SENP7: variants seen among roughly 807,000 people sequenced by gnomAD.
The protein encoded by SENP7 is sentrin-specific protease 7.
Under a neutral mutation model 141.2 loss-of-function variants are expected in SENP7, and 64 were observed. The observed-to-expected ratio is 0.45, with a 90% confidence interval of 0.37 to 0.56. SENP7 has a LOEUF of 0.56. Ranked by LOEUF, SENP7 falls within the 20% of genes least tolerant of loss-of-function variation. The pLI is 0.00. For missense variants in SENP7, 1,025 were observed against 1,212.2 expected, an observed-to-expected ratio of 0.85 and a Z score of 2.29; for synonymous variants, 382 against 426.4, an observed-to-expected ratio of 0.90 and a Z score of 1.28.
intron 6 of SENP7, among the ~76,000 whole-genome samples, chr3:101,385,943 G>A (rs929865778): frequency 3.3e-5 from 5 of 152,146 alleles, no homozygotes; most frequent in African/African-American, 7.2e-5. Flanking sequence ...GAGCAAAGCC[G>A]CTAACAACAG....
intron 6 of SENP7, among the ~76,000 whole-genome samples, chr3:101,375,137 T>C (rs937518030): frequency 6.6e-6 from 1 of 150,970 alleles, no homozygotes; most frequent in Non-Finnish European, 1.5e-5. Context: ...TTGGCAAAAA[T>C]GTAGAAAAAT....
At chr3:101,467,118 G>T (rs2063787550) in intron 3 of SENP7, among the ~76,000 whole-genome samples, 1 of 152,256 alleles carries the variant, frequency 6.6e-6, no homozygotes, top group African/African-American at 2.4e-5. Context: ...CAAGACGGCA[G>T]CCTGGCTGGG....
chr3:101,430,809 T>TTG (rs2062137489), intron 4 of SENP7, among the ~76,000 whole-genome samples: 1 of 152,232 alleles, frequency 6.6e-6, no homozygotes, highest in Non-Finnish European at 1.5e-5. Context: ...CTGCTTTCTC[T>TTG]TGACATTTAG....
chr3:101,344,477 C>G (rs1559694870), intron 13 of SENP7, among the ~76,000 whole-genome samples: 1 of 152,026 alleles, frequency 6.6e-6, no homozygotes, highest in South Asian at 2.1e-4. Flanking sequence ...AGGAAAATAA[C>G]AAATTTGAAA....
chr3:101,377,026 A>C (rs906069180), intron 6 of SENP7, among the ~76,000 whole-genome samples: 1 of 152,210 alleles, frequency 6.6e-6, no homozygotes, highest in African/African-American at 2.4e-5. Flanking sequence ...TGGAAGAAGA[A>C]TTTCTTGAGA....
chr3:101,480,464 C>T (rs2064421904), intron 3 of SENP7, among the ~76,000 whole-genome samples: 1 of 152,082 alleles, frequency 6.6e-6, no homozygotes, highest in East Asian at 1.9e-4. Context: ...AACAGGATAT[C>T]CATACGCAGA....
At chr3:101,406,381 A>G (rs1387182646) in intron 5 of SENP7, among the ~76,000 whole-genome samples, 2 of 152,022 alleles carry the variant, frequency 1.3e-5, no homozygotes, top group African/African-American at 4.8e-5. Flanking sequence ...GGAATTGAAC[A>G]ATGAGAACAC....
intron 4 of SENP7, among the ~76,000 whole-genome samples, chr3:101,431,048 T>A (rs2062146801): frequency 6.6e-6 from 1 of 152,188 alleles, no homozygotes; most frequent in Non-Finnish European, 1.5e-5. Flanking sequence ...TGAGAGACAG[T>A]TTGTTGTGAT....
At chr3:101,348,798 T>C (rs1158879702) in intron 12 of SENP7, among the ~76,000 whole-genome samples, 1 of 144,320 alleles carries the variant, frequency 6.9e-6, no homozygotes, top group Non-Finnish European at 1.5e-5. Flanking sequence ...CAAAGAAACA[T>C]TAAAAAAAAA....
chr3:101,492,100 A>C (rs985596865), intron 3 of SENP7, among the ~76,000 whole-genome samples: 35 of 152,148 alleles, frequency 2.3e-4, no homozygotes, highest in Non-Finnish European at 4.0e-4. Flanking sequence ...CTCAAAAAAA[A>C]AAAAATGGTT....
At chr3:101,458,049 C>G (rs1170795762) in intron 4 of SENP7, among the ~76,000 whole-genome samples, 1 of 152,146 alleles carries the variant, frequency 6.6e-6, no homozygotes, top group East Asian at 1.9e-4. Flanking sequence ...AGTCTGAAAA[C>G]TGAGTGTGTG....
chr3:101,469,830 C>CAAAAA (rs58498056), intron 3 of SENP7, among the ~76,000 whole-genome samples: 20 of 24,592 alleles, frequency 8.1e-4, no homozygotes, highest in Middle Eastern at 0.02. Context: ...GACTCCGTCT[C>CAAAAA]AAAAAAAAAA....
At chr3:101,383,980 C>A (rs2060580516) in intron 6 of SENP7, among the ~76,000 whole-genome samples, 1 of 152,210 alleles carries the variant, frequency 6.6e-6, no homozygotes, top group Admixed American at 6.5e-5. Context: ...TGCCTATGGA[C>A]CAATAAGCGT....
At chr3:101,502,451 C>A (rs984293749) in intron 1 of SENP7, among the ~76,000 whole-genome samples, 1 of 152,080 alleles carries the variant, frequency 6.6e-6, no homozygotes, top group Admixed American at 6.6e-5. Flanking sequence ...TACAGGTATG[C>A]GCCACCATGC....
At chr3:101,345,195 TC>T (rs2059426803) in intron 13 of SENP7, among the ~76,000 whole-genome samples, 1 of 148,946 alleles carries the variant, frequency 6.7e-6, no homozygotes, top group African/African-American at 2.4e-5. Flanking sequence ...CTATGTGAGC[TC>T]TTTTTTGGTT....
At chr3:101,347,492 G>A (rs1436425254) in intron 13 of SENP7, 1 of 152,608 alleles carries the variant, frequency 6.6e-6, no homozygotes, top group East Asian at 1.9e-4. Context: ...GGAGGCTGAG[G>A]CGGGCGGATC....
chr3:101,400,961 G>A (rs1160322241), intron 5 of SENP7, among the ~76,000 whole-genome samples: 1 of 152,064 alleles, frequency 6.6e-6, no homozygotes, highest in Non-Finnish European at 1.5e-5. Flanking sequence ...ATCCAGCCAT[G>A]GCAGTACATG....
At chr3:101,377,772 T>A (rs534919397) in intron 6 of SENP7, among the ~76,000 whole-genome samples, 5 of 152,248 alleles carry the variant, frequency 3.3e-5, no homozygotes, top group African/African-American at 1.2e-4. Flanking sequence ...AATACACAAT[T>A]CCAAGACCAT....
At chr3:101,344,896 C>T (rs1391751311) in intron 13 of SENP7, among the ~76,000 whole-genome samples, 1 of 139,468 alleles carries the variant, frequency 7.2e-6, no homozygotes, top group Non-Finnish European at 1.5e-5. Flanking sequence ...AACACTAAAA[C>T]TTTGGGAGGC....
Sources: allele counts gnomAD v4.1 joint callset (sites outside exome capture counted in the v4.1 genomes callset), GRCh38; gene constraint gnomAD v4.1.1; transcripts MANE v1.5; gene names NCBI Gene and HGNC (gene_info 2026-07-23, HGNC 2026-07-21).